The following CSNK2B variants were observed in gnomAD, a reference collection of about 807,000 sequenced individuals.
CSNK2B encodes casein kinase II subunit beta.
In CSNK2B, 2 loss-of-function variants were observed where a neutral mutation model predicts 28.8. That is an observed-to-expected ratio of 0.07 (90% CI 0.03 to 0.22). CSNK2B has a LOEUF of 0.22. Ranked by LOEUF, CSNK2B falls within the 10% of genes least tolerant of loss-of-function variation. The pLI, the probability that CSNK2B is intolerant of heterozygous loss-of-function variation, is 1.00. For synonymous variants in CSNK2B, 89 were observed against 96.1 expected, an observed-to-expected ratio of 0.93 and a Z score of 0.43; for missense variants, 107 against 277.9, an observed-to-expected ratio of 0.39 and a Z score of 4.37.
chr6:31,669,066 C>T lies in CSNK2B; in HGVS notation c.292-31C>T, dbSNP rs1209214297. 7 of 1,581,894 alleles carry T rather than the reference C, an allele frequency of 4.4e-6. 1 individual carries two copies. The highest frequency in any genetic ancestry group is 4.4e-5 in the South Asian group (4 of 90,404). ...GGAGTTGCCTCTTCTTTACATCTAC[C>T]TGCCAACCCCTTCCATTGTATTCAC... On this transcript the variant is annotated intron_variant, in intron 4 of 6. Transcript: ENST00000375882. The surrounding 1 kb of genome is among the most constrained non-coding windows in gnomAD (Gnocchi z 4.8).
Position 31,666,221 on chromosome 6 carries a change from T to C in CSNK2B, c.-12+13T>C, listed in dbSNP as rs1189352052. On this transcript the variant is annotated intron_variant, in intron 1 of 6. Coordinates refer to ENST00000375882, the MANE Select transcript of CSNK2B (RefSeq NM_001320.7). ...CCCCGTCCAGCCGGTGAGTCTGAAGTCGTCGCTGCTCCGAGTCCCTTGTCG... is the reference window on the plus strand; with the variant it reads ...CCCCGTCCAGCCGGTGAGTCTGAAGCCGTCGCTGCTCCGAGTCCCTTGTCG... The C allele has an allele frequency of 1.0e-6, 1 of 987,426 alleles. No individual in the cohort carries two copies. The highest frequency in any genetic ancestry group is 1.2e-6 in the Non-Finnish European group (1 of 829,366). 61.2% of individuals were successfully genotyped at this position (987,426 alleles called of 1,614,324 possible).
rs549636828 is a variant in CSNK2B at position 31,669,075 on chromosome 6, C to T, written c.292-22C>T. The stretch of plus-strand genomic sequence containing the variant: ...TCTTCTTTACATCTACCTGCCAACC[C>T]CTTCCATTGTATTCACCTCAGTTGG... On this transcript the variant is annotated intron_variant, in intron 4 of 6. Transcript: ENST00000375882. The surrounding 1 kb of genome is among the most constrained non-coding windows in gnomAD (Gnocchi z 4.8). 3.7e-6 allele frequency: 6 copies of T among 1,601,336 alleles called. No individual in the cohort carries two copies. The highest frequency in any genetic ancestry group is 5.1e-6 in the Non-Finnish European group (6 of 1,169,402).
At chr6:31,666,511 C>CT (rs539322116) in intron 1 of CSNK2B, 5,692 of 444,464 alleles carry the variant, frequency 0.013, 91 homozygotes, top group Non-Finnish European at 0.018. Flanking sequence ...GTCGAGGTCC[C>CT]TGCCGGAGTT....
chr6:31,669,725 G>T lies in CSNK2B; in HGVS notation c.558-111G>T, dbSNP rs1353723799. ...AGAAGTTGGGAACCACGAGGCTTTA[G>T]CTCTGAGCAGGTCCATAGAGGAGCT... is the stretch of plus-strand genomic sequence containing the variant. On this transcript the variant is annotated intron_variant, in intron 6 of 6. Transcript: ENST00000375882. This position sits in a 1 kb window ranked among gnomAD's most constrained non-coding sequence, Gnocchi z 4.8. The T allele has an allele frequency of 1.8e-6, 2 of 1,086,946 alleles. No homozygotes were observed. The highest frequency in any genetic ancestry group is 2.7e-6 in the Non-Finnish European group (2 of 753,164). The allele number at this position is 1,086,946 out of a possible 1,614,324, so 67.3% of individuals were successfully genotyped here. A position where few individuals can be genotyped will look rare whatever the true frequency, so the allele number is the denominator to read the frequency against.
rs371328902 is a variant in CSNK2B, at chr6:31,669,609, A to G, written c.557+101A>G. On this transcript the variant is annotated intron_variant, in intron 6 of 6. Transcript: ENST00000375882. The surrounding 1 kb of genome is among the most constrained non-coding windows in gnomAD (Gnocchi z 4.8). Reference sequence around the variant, plus strand: ...CCCTTTCTTGAGGTCTGCTTCTCCCAGAATCAGGGCATCTCCCTGCTGAGT... The same window carrying G: ...CCCTTTCTTGAGGTCTGCTTCTCCCGGAATCAGGGCATCTCCCTGCTGAGT... 3.8e-6 allele frequency: 5 copies of G among 1,320,186 alleles called. No homozygotes were observed. The highest frequency in any genetic ancestry group is 2.1e-6 in the Non-Finnish European group (2 of 960,198). The allele number at this position is 1,320,186 out of a possible 1,614,324, so 81.8% of individuals were successfully genotyped here.
intron 4 of CSNK2B, 198 bp downstream of exon 4, chr6:31,668,852 G>C (rs1254930270): frequency 8.1e-6 from 5 of 617,842 alleles, no homozygotes; most frequent in South Asian, 3.9e-5. Context: ...GACAGACCTT[G>C]AATCAGAGAG....
At chr6:31,666,760 G>A in intron 1 of CSNK2B, 61 bp from the exon 2 acceptor site, 3 of 1,382,294 alleles carry the variant, frequency 2.2e-6, no homozygotes, top group Non-Finnish European at 3.0e-6. Context: ...TGTGGGAGGA[G>A]GGAGGATACC....
rs1801945038 is a variant in CSNK2B, at chr6:31,668,372, C to A, written c.176-167C>A. ...AAGGCAGAGCTGTCTTCGTTTGATG[C>A]AAGGGTCAGAAGCCCAGGTTTCTGG... On this transcript the variant is annotated intron_variant, in intron 3 of 6. Coordinates refer to ENST00000375882, the MANE Select transcript of CSNK2B (RefSeq NM_001320.7). 1.4e-5 allele frequency: 9 copies of A among 622,596 alleles called. No homozygotes were observed. The Admixed American group carries it at 2.6e-4, about 18-fold the overall frequency. 38.6% of individuals were successfully genotyped at this position (622,596 alleles called of 1,614,324 possible).
chr6:31,670,012 A>C lies in CSNK2B; in HGVS notation c.*86A>C. ...GGAACCCTGTATGGTTTTTAGTTTA[A>C]ATTAAAGGAGTCGTTATCGTGGTGG... On this transcript the variant is annotated 3_prime_UTR_variant, in exon 7 of 7. Coordinates refer to ENST00000375882, the MANE Select transcript of CSNK2B (RefSeq NM_001320.7). The C allele has an allele frequency of 9.1e-7, 1 of 1,104,484 alleles. No homozygotes were observed. Among genetic ancestry groups the C allele is most frequent in the Non-Finnish European group, 1.3e-6 (1 of 781,082 alleles). The allele number at this position is 1,104,484 out of a possible 1,614,324, so 68.4% of individuals were successfully genotyped here. A position where few individuals can be genotyped will look rare whatever the true frequency, so the allele number is the denominator to read the frequency against.
chr6:31,669,751 C>T lies in CSNK2B; in HGVS notation c.558-85C>T. ...CTCTGAGCAGGTCCATAGAGGAGCT[C>T]AGGTGGGGAGGTGGGAATGCAGGTG... On this transcript the variant is annotated intron_variant, in intron 6 of 6. Transcript: ENST00000375882. This position sits in a 1 kb window ranked among gnomAD's most constrained non-coding sequence, Gnocchi z 4.8. 1 of 1,243,124 alleles carries T rather than the reference C, an allele frequency of 8.0e-7. No homozygotes were observed. The highest frequency in any genetic ancestry group is 1.1e-6 in the Non-Finnish European group (1 of 882,100). The allele number at this position is 1,243,124 out of a possible 1,614,324, so 77.0% of individuals were successfully genotyped here.
intron 3 of CSNK2B, 110 bp from the exon 4 acceptor site, chr6:31,668,429 C>A: frequency 1.1e-6 from 1 of 910,024 alleles, no homozygotes; most frequent in Non-Finnish European, 1.7e-6. Flanking sequence ...TGGGGTAAGG[C>A]CCAAAAGTAG....
In CSNK2B at chr6:31,669,084, G is replaced by C; in HGVS notation, c.292-13G>C. On this transcript the variant is annotated splice_polypyrimidine_tract_variant and intron_variant, in intron 4 of 6. Transcript: ENST00000375882. The surrounding 1 kb of genome is among the most constrained non-coding windows in gnomAD (Gnocchi z 4.8). ...CATCTACCTGCCAACCCCTTCCATT[G>C]TATTCACCTCAGTTGGAAAAGTACC... is the stretch of plus-strand genomic sequence containing the variant. 1.9e-6 allele frequency: 3 copies of C among 1,610,178 alleles called. No individual in the cohort carries two copies. The highest frequency in any genetic ancestry group is 2.5e-6 in the Non-Finnish European group (3 of 1,177,426).
At position 31,668,663 on chromosome 6, in the gene CSNK2B, T is replaced by C; in HGVS notation, c.291+9T>C. 1 of 1,607,884 alleles carries C rather than the reference T, an allele frequency of 6.2e-7. No individual in the cohort carries two copies. The highest frequency in any genetic ancestry group is 1.1e-5 in the South Asian group (1 of 90,972). ...GTGGCATCGCCCAGATGGTGAGGCCTCTCTGCTCCTACCTGCCTCCTTCTG... is the reference window on the plus strand; with the variant it reads ...GTGGCATCGCCCAGATGGTGAGGCCCCTCTGCTCCTACCTGCCTCCTTCTG... On this transcript the variant is annotated intron_variant, in intron 4 of 6. Coordinates refer to ENST00000375882, the MANE Select transcript of CSNK2B (RefSeq NM_001320.7).
rs368536910 is a variant in CSNK2B at position 31,669,981 on chromosome 6, C to T, written c.*55C>T. 5.6e-6 allele frequency: 8 copies of T among 1,419,302 alleles called. No homozygotes were observed. In the African/African-American group the frequency reaches 7.1e-5, roughly 13 times the overall value. 87.9% of individuals were successfully genotyped at this position (1,419,302 alleles called of 1,614,324 possible). ...GACTTTTCCTTTCTTTTTTGCCACC[C>T]TTTCAGGAACCCTGTATGGTTTTTA... On this transcript the variant is annotated 3_prime_UTR_variant, in exon 7 of 7. Transcript: ENST00000375882. This position sits in a 1 kb window ranked among gnomAD's most constrained non-coding sequence, Gnocchi z 4.8.
rs1211923786 is a variant in CSNK2B at position 31,669,183 on chromosome 6, A to G, written c.367+11A>G. 6.2e-7 allele frequency: 1 copy of G among 1,612,562 alleles called. No homozygotes were observed. The highest frequency in any genetic ancestry group is 8.5e-7 in the Non-Finnish European group (1 of 1,178,914). On this transcript the variant is annotated intron_variant, in intron 5 of 6. Transcript: ENST00000375882. The surrounding 1 kb of genome is among the most constrained non-coding windows in gnomAD (Gnocchi z 4.8). ...CAATGCTTCCCATTGGTGAGTGTTGAAGAAGGGAAAGGAAAGCACCGTGTG... is the reference window on the plus strand; with the variant it reads ...CAATGCTTCCCATTGGTGAGTGTTGGAGAAGGGAAAGGAAAGCACCGTGTG...
chr6:31,667,304 G>A, intron 2 of CSNK2B: 1 of 374,650 alleles, frequency 2.7e-6, no homozygotes, highest in South Asian at 2.1e-5. Flanking sequence ...GCTAATTTTT[G>A]TATTTTTAGT....
In CSNK2B at chr6:31,667,977, C is replaced by T. The variant is rs1251704972; in HGVS notation, c.175+7C>T. The T allele has an allele frequency of 1.3e-6, 2 of 1,593,690 alleles. No individual in the cohort carries two copies. Among genetic ancestry groups the T allele is most frequent in the South Asian group, 1.1e-5 (1 of 89,736 alleles). On this transcript the variant is annotated splice_region_variant and intron_variant, in intron 3 of 6. Transcript: ENST00000375882. ...ATCTTGGACCTGGAGCCTGGTGAGGCACCCTCAGGGTTGTTTTGTGTGTGT... is the reference window on the plus strand; with the variant it reads ...ATCTTGGACCTGGAGCCTGGTGAGGTACCCTCAGGGTTGTTTTGTGTGTGT...
In CSNK2B at chr6:31,669,197, A is replaced by G; in HGVS notation, c.367+25A>G. ...GGTGAGTGTTGAAGAAGGGAAAGGA[A>G]AGCACCGTGTGGCAGTCTTATGGGA... On this transcript the variant is annotated intron_variant, in intron 5 of 6. Transcript: ENST00000375882. This position sits in a 1 kb window ranked among gnomAD's most constrained non-coding sequence, Gnocchi z 4.8. The G allele has an allele frequency of 1.9e-6, 3 of 1,610,832 alleles. No individual in the cohort carries two copies. Among genetic ancestry groups the G allele is most frequent in the Non-Finnish European group, 2.5e-6 (3 of 1,177,092 alleles).
At position 31,669,027 on chromosome 6, in the gene CSNK2B, G is replaced by T; in HGVS notation, c.292-70G>T. ...AGGAGTGGGGGACAGAGTGGTATGG[G>T]TTGGGCTGCGAAGGGAGTTGCCTCT... On this transcript the variant is annotated intron_variant, in intron 4 of 6. Coordinates refer to ENST00000375882, the MANE Select transcript of CSNK2B (RefSeq NM_001320.7). The surrounding 1 kb of genome is among the most constrained non-coding windows in gnomAD (Gnocchi z 4.8). The T allele has an allele frequency of 8.6e-7, 1 of 1,157,000 alleles. No homozygotes were observed. The highest frequency in any genetic ancestry group is 1.3e-6 in the Non-Finnish European group (1 of 767,736). The allele number at this position is 1,157,000 out of a possible 1,614,324, so 71.7% of individuals were successfully genotyped here.
Sources: allele counts gnomAD v4.1 joint callset, GRCh38; gene constraint gnomAD v4.1.1; non-coding constraint Gnocchi (gnomAD v3.1); transcripts MANE v1.5; gene names NCBI Gene and HGNC (gene_info 2026-07-23, HGNC 2026-07-21).